SPATS2L: variants seen among roughly 807,000 people sequenced by gnomAD.
SPATS2L encodes the protein SPATS2-like protein.
Under a neutral mutation model 59.6 loss-of-function variants are expected in SPATS2L, and 30 were observed. That is an observed-to-expected ratio of 0.50 (90% CI 0.38 to 0.68). The LOEUF (loss-of-function observed/expected upper bound fraction) is 0.68. SPATS2L is among the 30% of genes least tolerant of loss of function. The probability of loss-of-function intolerance (pLI) is 0.00; values close to 1 mark genes in which losing one functional copy is unlikely to be tolerated. For synonymous variants in SPATS2L, 252 were observed against 263.5 expected, an observed-to-expected ratio of 0.96 and a Z score of 0.42; for missense variants, 615 against 700.0, an observed-to-expected ratio of 0.88 and a Z score of 1.37.
chr2:200,389,509 C>A, intron 3 of SPATS2L: 1 of 437,244 alleles, frequency 2.3e-6, no homozygotes, highest in Non-Finnish European at 4.1e-6. Context: ...GACCATAACC[C>A]CATAAAGAAG....
At chr2:200,393,997 C>T (rs1022206962) in intron 3 of SPATS2L, among the ~76,000 whole-genome samples, 15 of 152,292 alleles carry the variant, frequency 9.8e-5, no homozygotes, top group Admixed American at 3.9e-4. Flanking sequence ...TGATTCCTGC[C>T]TTCATGCAGC....
chr2:200,322,165 A>T (rs886314909), intron 1 of SPATS2L, among the ~76,000 whole-genome samples: 2 of 152,250 alleles, frequency 1.3e-5, no homozygotes, highest in African/African-American at 4.8e-5. Context: ...TCATTAAAAT[A>T]AGGTGTTAAC....
At chr2:200,366,071 A>G (rs905792391) in intron 2 of SPATS2L, among the ~76,000 whole-genome samples, 2 of 152,196 alleles carry the variant, frequency 1.3e-5, no homozygotes, top group African/African-American at 4.8e-5. Flanking sequence ...TTCCTCATTT[A>G]TAAAAAGAGA....
chr2:200,419,735 T>A, intron 6 of SPATS2L, among the ~76,000 whole-genome samples: 1 of 146,200 alleles, frequency 6.8e-6, no homozygotes, highest in South Asian at 2.2e-4. Context: ...TTTTTGAGTC[T>A]GGGTCTTGCT....
In SPATS2L at chr2:200,479,738, C is replaced by A; in HGVS notation, c.*1707C>A. On this transcript the variant is annotated 3_prime_UTR_variant, in exon 13 of 13. Transcript: ENST00000409140. ...TCAACATTAACATTTTTTCTGGCAA[C>A]CCAGGTTCACTGGTTCTCTTCCACA... 1 of 398,600 alleles carries A rather than the reference C, an allele frequency of 2.5e-6. No individual in the cohort carries two copies. Among genetic ancestry groups the A allele is most frequent in the Non-Finnish European group, 4.4e-6 (1 of 226,076 alleles). 24.7% of individuals were successfully genotyped at this position (398,600 alleles called of 1,614,324 possible). A position where few individuals can be genotyped will look rare whatever the true frequency, so the allele number is the denominator to read the frequency against.
intron 2 of SPATS2L, among the ~76,000 whole-genome samples, chr2:200,368,688 T>C (rs897028870): frequency 3.9e-5 from 6 of 152,164 alleles, no homozygotes; most frequent in African/African-American, 1.4e-4. Context: ...ATAGCAGACA[T>C]GTATTACAGA....
intron 3 of SPATS2L, among the ~76,000 whole-genome samples, chr2:200,397,292 A>G (rs765515328): frequency 7.2e-5 from 11 of 152,218 alleles, no homozygotes; most frequent in Admixed American, 6.5e-5. Context: ...AGTAACTTCT[A>G]TTCACAATCC....
At chr2:200,460,518 G>C (rs1343403078) in intron 9 of SPATS2L, among the ~76,000 whole-genome samples, 1 of 152,080 alleles carries the variant, frequency 6.6e-6, no homozygotes, top group Non-Finnish European at 1.5e-5. Context: ...GGCCGAGGCA[G>C]GCAGATCACA....
At chr2:200,347,154 A>G (rs1440127538) in intron 2 of SPATS2L, among the ~76,000 whole-genome samples, 1 of 152,208 alleles carries the variant, frequency 6.6e-6, no homozygotes, top group Non-Finnish European at 1.5e-5. Context: ...CATGGAAAAC[A>G]CAACCCAAGT....
At chr2:200,374,879 T>G (rs1254622512) in intron 2 of SPATS2L, among the ~76,000 whole-genome samples, 1 of 152,214 alleles carries the variant, frequency 6.6e-6, no homozygotes, top group East Asian at 1.9e-4. Flanking sequence ...TATATTTAGC[T>G]GAGAGGCCTG....
intron 2 of SPATS2L, among the ~76,000 whole-genome samples, chr2:200,332,454 C>T (rs1225118181): frequency 6.6e-6 from 1 of 151,882 alleles, no homozygotes; most frequent in Non-Finnish European, 1.5e-5. Context: ...ACTTTGTTAC[C>T]CAGGCTGGTC....
Position 200,479,718 on chromosome 2 carries a change from A to AT in SPATS2L, c.*1689dup, listed in dbSNP as rs1236809968. On this transcript the variant is annotated 3_prime_UTR_variant, in exon 13 of 13. Coordinates refer to ENST00000409140, the MANE Select transcript of SPATS2L (RefSeq NM_001100423.2). ...TGCAAATGCTTATTCTCAACTCAAC[A>AT]TTAACATTTTTTCTGGCAACCCAGG... 1.5e-5 allele frequency: 6 copies of AT among 398,492 alleles called. No homozygotes were observed. Among genetic ancestry groups the AT allele is most frequent in the Non-Finnish European group, 2.2e-5 (5 of 226,098 alleles). The allele number at this position is 398,492 out of a possible 1,614,324, so 24.7% of individuals were successfully genotyped here.
chr2:200,418,278 A>G (rs2083149799), intron 5 of SPATS2L, among the ~76,000 whole-genome samples: 1 of 152,134 alleles, frequency 6.6e-6, no homozygotes, highest in Non-Finnish European at 1.5e-5. Context: ...TCCAGCTGAA[A>G]TATTCATGGG....
At chr2:200,393,820 T>A (rs2082245699) in intron 3 of SPATS2L, among the ~76,000 whole-genome samples, 1 of 152,202 alleles carries the variant, frequency 6.6e-6, no homozygotes, top group Admixed American at 6.5e-5. Flanking sequence ...ATTACAAGCT[T>A]GTAGAGATCA....
intron 3 of SPATS2L, among the ~76,000 whole-genome samples, chr2:200,411,732 G>C (rs1426504704): frequency 6.6e-6 from 1 of 152,160 alleles, no homozygotes; most frequent in Non-Finnish European, 1.5e-5. Context: ...TTCAATGTTT[G>C]ATTTTCAGAA....
chr2:200,332,332 C>A (rs1399040506), intron 2 of SPATS2L, among the ~76,000 whole-genome samples: 1 of 151,980 alleles, frequency 6.6e-6, no homozygotes, highest in African/African-American at 2.4e-5. Context: ...AAAAGTTCAA[C>A]CTCCTGGGCT....
intron 3 of SPATS2L, among the ~76,000 whole-genome samples, chr2:200,401,625 T>A (rs2082531814): frequency 1.3e-5 from 2 of 152,194 alleles, no homozygotes; most frequent in African/African-American, 4.8e-5. Flanking sequence ...CCTCATCCAC[T>A]GTCCCTTACC....
chr2:200,444,871 A>G (rs17531973), intron 8 of SPATS2L, among the ~76,000 whole-genome samples: 12,752 of 151,806 alleles, frequency 0.084, 721 homozygotes, highest in Middle Eastern at 0.13. Context: ...TGGTGTCTCC[A>G]TATCCCTTTT....
chr2:200,338,429 A>G (rs2080213516), intron 2 of SPATS2L, among the ~76,000 whole-genome samples: 2 of 152,178 alleles, frequency 1.3e-5, no homozygotes, highest in Admixed American at 6.5e-5. Context: ...ATGAAGAAAC[A>G]TGTAATCAAG....
Sources: allele counts gnomAD v4.1 joint callset (sites outside exome capture counted in the v4.1 genomes callset), GRCh38; gene constraint gnomAD v4.1.1; transcripts MANE v1.5; gene names NCBI Gene and HGNC (gene_info 2026-07-23, HGNC 2026-07-21).